Variants in DOP1B observed in about 807,000 individuals in gnomAD.
DOP1B encodes the protein DOP1 leucine zipper like protein B.
DOP1B carries 174 observed loss-of-function variants against 233.5 expected under a neutral mutation model. The observed-to-expected ratio is 0.75, with a 90% CI of 0.66 to 0.85. The LOEUF is 0.85. Among genes scored for constraint, DOP1B ranks in the 40% least tolerant of loss-of-function variants. DOP1B has a pLI of 0.00. For synonymous variants in DOP1B, 1,190 were observed against 1,185.6 expected, an observed-to-expected ratio of 1.00 and a Z score of -0.08; for missense variants, 2,652 against 2,846.6, an observed-to-expected ratio of 0.93 and a Z score of 1.56.
At chr21:36,158,813 A>AAAAG (rs1212935208) in intron 1 of DOP1B, among the ~76,000 whole-genome samples, 2 of 137,144 alleles carry the variant, frequency 1.5e-5, no homozygotes, top group Non-Finnish European at 3.2e-5. Context: ...AAAAAAAAAA[A>AAAAG]AAAAAGAAAA....
At chr21:36,243,454 G>A (rs777404613) in intron 18 of DOP1B, among the ~76,000 whole-genome samples, 5 of 147,946 alleles carry the variant, frequency 3.4e-5, no homozygotes, top group South Asian at 2.1e-4. Context: ...AGTGTCATAC[G>A]TTTTCTGATT....
intron 2 of DOP1B, among the ~76,000 whole-genome samples, chr21:36,196,516 C>G (rs2066291690): frequency 6.7e-6 from 1 of 148,334 alleles, no homozygotes; most frequent in Non-Finnish European, 1.5e-5. Context: ...GGCCTCTCCT[C>G]TGTTCTTTTT....
chr21:36,217,230 C>G lies in DOP1B; in HGVS notation c.1130-2142C>G, dbSNP rs2066570413. On this transcript the variant is annotated intron_variant, in intron 9 of 36. Transcript: ENST00000691173. ...CTCTAGGGGGACAAAAGGGGAGCAG[C>G]TTCTCATGAAGTTAGAGGGAAGGGG... 1.3e-5 allele frequency among the ~76,000 whole-genome samples: 2 copies of G among 152,178 alleles called. 1 individual carries two copies. Among genetic ancestry groups the G allele is most frequent in the South Asian group, 4.1e-4 (2 of 4,830 alleles).
At chr21:36,250,101 T>C (rs1361603599) in intron 21 of DOP1B, among the ~76,000 whole-genome samples, 1 of 152,106 alleles carries the variant, frequency 6.6e-6, no homozygotes, top group Non-Finnish European at 1.5e-5. Context: ...TAAAGGCCGA[T>C]GCTCATTAGG....
intron 32 of DOP1B, among the ~76,000 whole-genome samples, chr21:36,286,166 C>T (rs1324849011): frequency 8.6e-5 from 13 of 152,028 alleles, no homozygotes; most frequent in Non-Finnish European, 1.6e-4. Context: ...AGAGTGACAT[C>T]AGTCTTACGT....
At chr21:36,279,812 G>A (rs1410629484) in intron 30 of DOP1B, among the ~76,000 whole-genome samples, 2 of 152,084 alleles carry the variant, frequency 1.3e-5, no homozygotes, top group African/African-American at 4.8e-5. Context: ...AAGCTTTTTC[G>A]TAGCTTTCTT....
chr21:36,191,887 A>G (rs2066238635), intron 2 of DOP1B, among the ~76,000 whole-genome samples: 1 of 152,162 alleles, frequency 6.6e-6, no homozygotes, highest in Non-Finnish European at 1.5e-5. Flanking sequence ...GTGGTAAAAT[A>G]CACATGGCCT....
intron 9 of DOP1B, among the ~76,000 whole-genome samples, chr21:36,217,576 G>A (rs539809988): frequency 5.5e-4 from 84 of 152,312 alleles, no homozygotes; most frequent in Admixed American, 1.2e-3. Context: ...GTCACCAGGT[G>A]AACTTTATTC....
chr21:36,206,620 T>C (rs2066428572), intron 4 of DOP1B, among the ~76,000 whole-genome samples: 1 of 152,186 alleles, frequency 6.6e-6, no homozygotes, highest in Non-Finnish European at 1.5e-5. Flanking sequence ...TTTCCCATAC[T>C]TTTTGAGGGT....
In DOP1B at chr21:36,278,475, G is replaced by A. The variant is rs1226139043; in HGVS notation, c.5969+120G>A. Reference sequence around the variant, plus strand: ...AGCCATAGGATCAACCCAAATAACAGGACGTCCCTGTCACAGGCTCGCATG... The same window carrying A: ...AGCCATAGGATCAACCCAAATAACAAGACGTCCCTGTCACAGGCTCGCATG... On this transcript the variant is annotated intron_variant, in intron 30 of 36. Transcript: ENST00000691173. 4.8e-6 allele frequency: 5 copies of A among 1,032,926 alleles called. No individual in the cohort carries two copies. In the African/African-American group the frequency reaches 8.0e-5, roughly 17 times the overall value. 64.0% of individuals were successfully genotyped at this position (1,032,926 alleles called of 1,614,324 possible).
chr21:36,227,547 AAAAAAAG>A (rs2066707283), intron 12 of DOP1B, 132 bp from the exon 13 acceptor site: 2 of 840,312 alleles, frequency 2.4e-6, no homozygotes, highest in Admixed American at 3.3e-5. Context: ...ACTCTGTCAA[AAAAAAAG>A]AAAGAAAGAA....
intron 2 of DOP1B, among the ~76,000 whole-genome samples, chr21:36,188,199 C>T (rs1304185663): frequency 1.3e-5 from 2 of 152,146 alleles, no homozygotes; most frequent in East Asian, 3.9e-4. Context: ...AAATACAACA[C>T]AATGATATTT....
At chr21:36,231,767 T>A (rs2066768220) in intron 14 of DOP1B, among the ~76,000 whole-genome samples, 2 of 147,100 alleles carry the variant, frequency 1.4e-5, no homozygotes, top group Non-Finnish European at 3.0e-5. Context: ...AACCTCCGCC[T>A]CCTGGGTTCA....
intron 35 of DOP1B, among the ~76,000 whole-genome samples, chr21:36,289,424 G>GGTGGGT (rs2067530134): frequency 1.4e-5 from 2 of 144,952 alleles, no homozygotes; most frequent in Non-Finnish European, 3.0e-5. Flanking sequence ...GTGTTTCTAT[G>GGTGGGT]GTGTGTGTGT....
intron 10 of DOP1B, among the ~76,000 whole-genome samples, chr21:36,222,124 G>A (rs924199905): frequency 6.6e-6 from 1 of 151,486 alleles, no homozygotes. Flanking sequence ...TGCCTGCCTC[G>A]GCCTCCCAAA....
In DOP1B at chr21:36,238,586, TATC is replaced by T; in HGVS notation, c.2776-14_2776-12del. On this transcript the variant is annotated splice_polypyrimidine_tract_variant and intron_variant, in intron 16 of 36. Coordinates refer to ENST00000691173, the MANE Select transcript of DOP1B (RefSeq NM_001320714.2). Reference sequence around the variant, plus strand: ...CAAAACCAAGTTCCTCACTCCCATGTATCTCCTCATCAAGGGAACAAGGCTGGA... The same window carrying T: ...CAAAACCAAGTTCCTCACTCCCATGTTCCTCATCAAGGGAACAAGGCTGGA... 6.2e-7 allele frequency: 1 copy of T among 1,612,322 alleles called. No individual in the cohort carries two copies. Among genetic ancestry groups the T allele is most frequent in the Non-Finnish European group, 8.5e-7 (1 of 1,178,312 alleles).
intron 4 of DOP1B, 107 bp downstream of exon 4, chr21:36,200,608 C>G: frequency 7.4e-7 from 1 of 1,353,256 alleles, no homozygotes; most frequent in East Asian, 2.6e-5. Flanking sequence ...CTTTGGAAGG[C>G]CAAGGTGGGT....
At chr21:36,210,001 A>G (rs1175893894) in intron 5 of DOP1B, among the ~76,000 whole-genome samples, 1 of 151,804 alleles carries the variant, frequency 6.6e-6, no homozygotes, top group Non-Finnish European at 1.5e-5. Flanking sequence ...GCCTCGCACA[A>G]TGATCAGGAC....
chr21:36,264,008 A>G (rs1373570902), intron 26 of DOP1B, among the ~76,000 whole-genome samples, 194 bp downstream of exon 26: 1 of 152,202 alleles, frequency 6.6e-6, no homozygotes, highest in Non-Finnish European at 1.5e-5. Context: ...GGGTTTTCTG[A>G]TGAAGGTTCT....
Sources: gnomAD v4.1 joint callset for allele counts (sites outside exome capture counted in the v4.1 genomes callset) on GRCh38, gnomAD v4.1.1 for gene constraint, MANE v1.5 for transcripts, NCBI Gene and HGNC (gene_info 2026-07-23, HGNC 2026-07-21) for gene names.